The following SLC25A26 variants were observed in gnomAD, a reference collection of about 807,000 sequenced individuals.
The protein encoded by SLC25A26 is mitochondrial S-adenosylmethionine carrier protein.
A neutral mutation model predicts 37.8 loss-of-function variants in SLC25A26; 36 were observed. The observed-to-expected ratio is 0.95, with a 90% CI of 0.73 to 1.26. SLC25A26 has a LOEUF of 1.26. Ranked by LOEUF, SLC25A26 falls within the 50% of genes most tolerant of loss-of-function variation. SLC25A26 has a pLI of 0.00. For missense variants in SLC25A26, 390 were observed against 331.1 expected (o/e 1.18, Z -1.38); for synonymous variants, 129 against 122.5 (o/e 1.05, Z -0.35).
At chr3:66,278,682 C>T (rs782732) in intron 5 of SLC25A26, among the ~76,000 whole-genome samples, 79,015 of 151,870 alleles carry the variant, frequency 0.52, 22,347 homozygotes, top group African/African-American at 0.75. Context: ...GTTATATATT[C>T]GTTTCTTTAT....
intron 1 of SLC25A26, among the ~76,000 whole-genome samples, chr3:66,138,413 C>T (rs1559546921): frequency 6.6e-6 from 1 of 152,030 alleles, no homozygotes; most frequent in Non-Finnish European, 1.5e-5. Flanking sequence ...AAATATTATA[C>T]ACTTGAGATC....
chr3:66,228,896 C>T (rs1553662041), intron 1 of SLC25A26, among the ~76,000 whole-genome samples: 2 of 152,134 alleles, frequency 1.3e-5, no homozygotes, highest in African/African-American at 2.4e-5. Flanking sequence ...GATTTGGTTT[C>T]TGTTGAGTCA....
At chr3:66,288,966 C>T (rs187176278) in intron 5 of SLC25A26, among the ~76,000 whole-genome samples, 20 of 152,314 alleles carry the variant, frequency 1.3e-4, no homozygotes, top group Admixed American at 2.6e-4. Context: ...ATTCCTATTT[C>T]TCCACATCCT....
intron 6 of SLC25A26, among the ~76,000 whole-genome samples, chr3:66,356,473 G>T (rs2076578553): frequency 6.6e-6 from 1 of 152,110 alleles, no homozygotes; most frequent in South Asian, 2.1e-4. Flanking sequence ...AATGTAAAAA[G>T]TCAAGCTGAT....
At chr3:66,274,719 T>G (rs1204824064) in intron 5 of SLC25A26, among the ~76,000 whole-genome samples, 15 of 152,224 alleles carry the variant, frequency 9.9e-5, no homozygotes, top group East Asian at 9.7e-4. Context: ...TCACACCAGT[T>G]AGAATGGCGA....
intron 5 of SLC25A26, among the ~76,000 whole-genome samples, chr3:66,333,144 A>T (rs927674070): frequency 2.0e-5 from 3 of 152,076 alleles, no homozygotes; most frequent in African/African-American, 7.2e-5. Flanking sequence ...ATTTAGTAGG[A>T]TGTGTCAAGA....
intron 5 of SLC25A26, among the ~76,000 whole-genome samples, chr3:66,297,464 T>G (rs1559670957): frequency 6.6e-6 from 1 of 152,230 alleles, no homozygotes; most frequent in East Asian, 1.9e-4. Flanking sequence ...GTGGCTGTTC[T>G]TTATCAAAAT....
rs939021572 is a variant in SLC25A26 at position 66,200,360 on chromosome 3, A to C, written c.-353-20382A>C. Among the ~76,000 whole-genome samples, 22 of 152,332 alleles carry C rather than the reference A, an allele frequency of 1.4e-4. No individual in the cohort carries two copies. The East Asian group carries it at 3.5e-3, about 24-fold the overall frequency. On this transcript the variant is annotated intron_variant, in intron 1 of 10. Coordinates refer to the SLC25A26 transcript ENST00000676754. The stretch of plus-strand genomic sequence containing the variant: ...GGTGGGGTAAGCCAGCTGGCTGCAC[A>C]ATCCAGGCAGTGAAGAATGGTGGGT...
intron 2 of SLC25A26, among the ~76,000 whole-genome samples, chr3:66,242,700 G>GT (rs1328525656): frequency 3.9e-5 from 6 of 152,106 alleles, no homozygotes; most frequent in Admixed American, 3.9e-4. Flanking sequence ...ATGGCTGATT[G>GT]TTTTCTTGAT....
At chr3:66,319,375 A>C (rs1303104085) in intron 5 of SLC25A26, among the ~76,000 whole-genome samples, 2 of 152,206 alleles carry the variant, frequency 1.3e-5, no homozygotes, top group Non-Finnish European at 2.9e-5. Context: ...CAAAGATACC[A>C]TACTAGTATA....
chr3:66,263,480 G>T, intron 5 of SLC25A26, 101 bp downstream of exon 5: 2 of 773,226 alleles, frequency 2.6e-6, no homozygotes, highest in Non-Finnish European at 2.1e-6. Context: ...GGAGAAACTT[G>T]GTTTAAAAAA....
chr3:66,320,728 G>T (rs1284500327), intron 5 of SLC25A26, among the ~76,000 whole-genome samples: 1 of 152,130 alleles, frequency 6.6e-6, no homozygotes, highest in East Asian at 1.9e-4. Flanking sequence ...CCAGTGTCTT[G>T]TCACCACTTG....
At chr3:66,143,871 A>T (rs1389580148) in intron 1 of SLC25A26, among the ~76,000 whole-genome samples, 1 of 152,136 alleles carries the variant, frequency 6.6e-6, no homozygotes, top group South Asian at 2.1e-4. Flanking sequence ...ACAGAGTAAG[A>T]CCCTGTCTCA....
At chr3:66,145,677 C>G (rs771213096) in intron 1 of SLC25A26, among the ~76,000 whole-genome samples, 44 of 152,050 alleles carry the variant, frequency 2.9e-4, no homozygotes, top group Admixed American at 7.2e-4. Context: ...TCATTTAAAG[C>G]TAAATAAACA....
At chr3:66,259,743 C>T (rs1285188611) in intron 3 of SLC25A26, among the ~76,000 whole-genome samples, 3 of 152,196 alleles carry the variant, frequency 2.0e-5, no homozygotes, top group Non-Finnish European at 4.4e-5. Context: ...CCTCCCCACC[C>T]TCCAGCTGTC....
At chr3:66,306,841 C>CT (rs2075239678) in intron 5 of SLC25A26, among the ~76,000 whole-genome samples, 1 of 152,162 alleles carries the variant, frequency 6.6e-6, no homozygotes, top group Admixed American at 6.5e-5. Flanking sequence ...TGAACTCATA[C>CT]TTTTTTATGG....
intron 3 of SLC25A26, among the ~76,000 whole-genome samples, chr3:66,243,602 G>A (rs1328595174): frequency 2.6e-5 from 4 of 152,154 alleles, no homozygotes; most frequent in South Asian, 2.1e-4. Context: ...ATATCCATTC[G>A]AATTGTGACA....
chr3:66,181,742 C>G (rs528708774), intron 1 of SLC25A26, among the ~76,000 whole-genome samples: 163 of 151,798 alleles, frequency 1.1e-3, no homozygotes, highest in African/African-American at 3.7e-3. Context: ...AATTTGCAGT[C>G]CCTCTGAATT....
At chr3:66,150,184 A>G (rs1462436731) in intron 1 of SLC25A26, among the ~76,000 whole-genome samples, 2 of 152,162 alleles carry the variant, frequency 1.3e-5, no homozygotes, top group African/African-American at 4.8e-5. Flanking sequence ...CTAGAACAAC[A>G]AAAGTATTAA....
Sources: gnomAD v4.1 joint callset for allele counts (sites outside exome capture counted in the v4.1 genomes callset) on GRCh38, gnomAD v4.1.1 for gene constraint, MANE v1.5 for transcripts, NCBI Gene and HGNC (gene_info 2026-07-23, HGNC 2026-07-21) for gene names.